Variants in SDHAF2 observed in about 807,000 individuals in gnomAD.
SDHAF2 encodes the protein succinate dehydrogenase assembly factor 2, mitochondrial.
Under a neutral mutation model 18.5 loss-of-function variants are expected in SDHAF2, and 21 were observed. The ratio of observed to expected loss-of-function variants is 1.13; its 90% CI spans 0.80 to 1.63. SDHAF2 has a LOEUF of 1.63. SDHAF2 is among the 40% of genes most tolerant of loss of function. The pLI is 0.00. For synonymous variants in SDHAF2, 84 were observed against 70.7 expected (o/e 1.19, Z -0.94); for missense variants, 195 against 200.3 (o/e 0.97, Z 0.16).
At chr11:61,441,794 CTAA>C (rs1862069215) in intron 3 of SDHAF2, among the ~76,000 whole-genome samples, 1 of 151,860 alleles carries the variant, frequency 6.6e-6, no homozygotes, top group South Asian at 2.1e-4. Context: ...TCCCTAATGA[CTAA>C]TAATATTGAG....
intron 3 of SDHAF2, among the ~76,000 whole-genome samples, chr11:61,439,474 G>T (rs972453465): frequency 7.2e-5 from 11 of 152,134 alleles, no homozygotes; most frequent in Non-Finnish European, 1.0e-4. Context: ...TATTCCATCT[G>T]CCCAGCTGTG....
intron 3 of SDHAF2, chr11:61,444,473 G>T (rs1014630211): frequency 3.3e-5 from 5 of 152,256 alleles, no homozygotes; most frequent in Admixed American, 3.3e-4. Flanking sequence ...GGTGGCTCAC[G>T]CCTGTGATCC....
intron 1 of SDHAF2, chr11:61,431,573 CCTTTT>C (rs1354118084): frequency 3.3e-5 from 5 of 152,188 alleles, no homozygotes; most frequent in African/African-American, 1.2e-4. Flanking sequence ...GAATTTTCCA[CCTTTT>C]CTTTTGCCAT....
chr11:61,432,386 C>T (rs966000651), intron 1 of SDHAF2: 1 of 152,234 alleles, frequency 6.6e-6, no homozygotes, highest in Non-Finnish European at 1.5e-5. Context: ...TGCATATAAT[C>T]TACACACATA....
chr11:61,434,533 A>G (rs1474920144), intron 1 of SDHAF2: 1 of 147,412 alleles, frequency 6.8e-6, no homozygotes, highest in African/African-American at 2.6e-5. Context: ...GACTCTCATA[A>G]TGTGTATATT....
rs1590764776 is a variant in SDHAF2 at position 61,437,691 on chromosome 11, T to C, written c.103T>C (p.Tyr35His). Residue 35 changes from tyrosine (Y) to histidine (H), a missense_variant, in exon 2 of 4, where the codon TAC becomes CAC. Coordinates refer to ENST00000301761, the MANE Select transcript of SDHAF2 (RefSeq NM_017841.4). ...CAGTGTGACATCATTCAGACGCTTC[T>C]ACAGAGGTGACAGCCCAACAGATTC... ...LLSVTSFRRF[Y>H]RGDSPTDSQK... 1.1e-5 allele frequency: 17 copies of C among 1,614,226 alleles called. No individual in the cohort carries two copies. The highest frequency in any genetic ancestry group is 1.6e-4 in the Middle Eastern group (1 of 6,062).
At chr11:61,440,262 G>A (rs535394149) in intron 3 of SDHAF2, among the ~76,000 whole-genome samples, 10 of 152,252 alleles carry the variant, frequency 6.6e-5, no homozygotes, top group African/African-American at 1.7e-4. Flanking sequence ...CCAAGATCAC[G>A]CCACTGTGCT....
intron 3 of SDHAF2, among the ~76,000 whole-genome samples, chr11:61,443,875 GC>G (rs1862102017): frequency 6.6e-6 from 1 of 152,052 alleles, no homozygotes; most frequent in South Asian, 2.1e-4. Context: ...TTGGGTTCAT[GC>G]CATTCTGCTG....
Position 61,438,094 on chromosome 11 carries a change from T to C in SDHAF2, c.351T>C (p.Asp117=). The C allele has an allele frequency of 6.2e-7, 1 of 1,613,380 alleles. No homozygotes were observed. The highest frequency in any genetic ancestry group is 1.1e-5 in the South Asian group (1 of 91,070). The part of the protein sequence containing the change: ...RLINEPSNDW[D]IYYWATEAKP... ...TTAACGAGCCTAGTAATGACTGGGA[T>C]ATTTACTACTGGGCCACAGGTACTG... Residue 117 remains aspartate, a synonymous_variant, in exon 3 of 4, where the codon GAT becomes GAC. Transcript: ENST00000301761.
chr11:61,445,755 C>A (rs960496789), intron 3 of SDHAF2, among the ~76,000 whole-genome samples, 186 bp from the exon 4 acceptor site: 1 of 152,148 alleles, frequency 6.6e-6, no homozygotes, highest in African/African-American at 2.4e-5. Context: ...AAACGACTTG[C>A]AAATATAGGC....
In SDHAF2 at chr11:61,445,939, A is replaced by G. The variant is rs375280597; in HGVS notation, c.371-2A>G. 42 of 1,614,208 alleles carry G rather than the reference A, an allele frequency of 2.6e-5. No individual in the cohort carries two copies. Among genetic ancestry groups the G allele is most frequent in the Non-Finnish European group, 3.6e-5 (42 of 1,180,042 alleles). On this transcript the variant is annotated splice_acceptor_variant, in intron 3 of 3. Transcript: ENST00000301761. LOFTEE classifies it high-confidence loss of function. ...TTTTTTCTGCCCACTCTTCTCTTGC[A>G]GAAGCTAAACCAGCCCCAGAAATAT...
intron 3 of SDHAF2, chr11:61,444,093 C>CT (rs1274096070): frequency 6.6e-6 from 1 of 152,284 alleles, no homozygotes; most frequent in Non-Finnish European, 1.5e-5. Context: ...GTTTTATACA[C>CT]TCATGCTAGC....
chr11:61,442,626 T>G (rs137885320), intron 3 of SDHAF2, among the ~76,000 whole-genome samples: 6 of 152,342 alleles, frequency 3.9e-5, no homozygotes, highest in Admixed American at 3.9e-4. Context: ...TCTTTTATTA[T>G]TGTTGAAAAA....
chr11:61,446,208 A>G lies in SDHAF2; in HGVS notation c.*137A>G, dbSNP rs1269910332. 1.1e-6 allele frequency: 1 copy of G among 915,306 alleles called. No homozygotes were observed. Among genetic ancestry groups the G allele is most frequent in the Non-Finnish European group, 1.8e-6 (1 of 557,916 alleles). 56.7% of individuals were successfully genotyped at this position (915,306 alleles called of 1,614,324 possible). ...ACTGGTCCTGCCTCAAGTGATGGACATAACCCTCTCCTAGGACATACATGT... is the reference window on the plus strand; with the variant it reads ...ACTGGTCCTGCCTCAAGTGATGGACGTAACCCTCTCCTAGGACATACATGT... On this transcript the variant is annotated 3_prime_UTR_variant, in exon 4 of 4. Transcript: ENST00000301761.
intron 1 of SDHAF2, chr11:61,431,039 T>C (rs952643260): frequency 7.2e-5 from 11 of 152,274 alleles, no homozygotes; most frequent in African/African-American, 2.7e-4. Context: ...CTTTTTTTTT[T>C]TTGAGACGGA....
chr11:61,431,342 TC>T (rs757568533), intron 1 of SDHAF2: 1 of 152,198 alleles, frequency 6.6e-6, no homozygotes, highest in Non-Finnish European at 1.5e-5. Flanking sequence ...CCTTCTTTTT[TC>T]TTTTTTTCGT....
intron 1 of SDHAF2, chr11:61,433,153 C>T (rs1861954223): frequency 6.6e-6 from 1 of 152,102 alleles, no homozygotes. Flanking sequence ...ATTATCCTGC[C>T]TCAGCCTCCC....
intron 3 of SDHAF2, among the ~76,000 whole-genome samples, chr11:61,442,762 T>A (rs544002778): frequency 6.6e-6 from 1 of 152,146 alleles, no homozygotes; most frequent in African/African-American, 2.4e-5. Flanking sequence ...GGGTTTTGTT[T>A]TTTGTTTTTT....
intron 3 of SDHAF2, chr11:61,444,228 C>G (rs1862108386): frequency 6.6e-6 from 1 of 152,254 alleles, no homozygotes; most frequent in Non-Finnish European, 1.5e-5. Flanking sequence ...GTGCTCTATA[C>G]CAATCAGGTG....
Sources: gnomAD v4.1 joint callset for allele counts (sites outside exome capture counted in the v4.1 genomes callset) on GRCh38, gnomAD v4.1.1 for gene constraint, MANE v1.5 for transcripts, NCBI Gene and HGNC (gene_info 2026-07-23, HGNC 2026-07-21) for gene names.